CUL4A: variants seen among roughly 807,000 people sequenced by gnomAD.
CUL4A encodes cullin 4A.
In CUL4A, 16 loss-of-function variants were observed where a neutral mutation model predicts 95.5. The observed-to-expected ratio is 0.17, with a 90% CI of 0.11 to 0.25. The LOEUF is 0.25. Ranked by LOEUF, CUL4A falls within the 10% of genes least tolerant of loss-of-function variation. The pLI, the probability that CUL4A is intolerant of heterozygous loss-of-function variation, is 1.00. For synonymous variants in CUL4A, 380 were observed against 353.1 expected (o/e 1.08, Z -0.85); for missense variants, 610 against 937.0 (o/e 0.65, Z 4.56).
chr13:113,245,020 G>A lies in CUL4A; in HGVS notation c.1405G>A (p.Val469Ile). The change falls in exon 13 of 20, where the codon GTC (valine) becomes ATC (isoleucine). Residue 469 changes from valine (V) to isoleucine (I), a missense_variant. Physicochemically the swap from Val to Ile is conservative, Grantham distance 29 (BLOSUM62 3). Transcript: ENST00000375440. ...KRLLVGKSAS[V>I]DAEKSMLSKL... ...ACTCCTTGTTGGGAAAAGTGCCTCA[G>A]TCGATGCTGAAAAGTCTATGTTGTC... The A allele has an allele frequency of 1.2e-6, 2 of 1,614,198 alleles. No homozygotes were observed. Among genetic ancestry groups the A allele is most frequent in the East Asian group, 2.2e-5 (1 of 44,880 alleles).
At chr13:113,256,755 A>G (rs2042129534) in intron 18 of CUL4A, among the ~76,000 whole-genome samples, 1 of 152,158 alleles carries the variant, frequency 6.6e-6, no homozygotes. Context: ...ACACACCTGT[A>G]AGCACTTCAT....
rs2042362308 is a variant in CUL4A at position 113,264,362 on chromosome 13, A to G, written c.*780A>G. 6.6e-6 allele frequency: 1 copy of G among 151,428 alleles called. No individual in the cohort carries two copies. Among genetic ancestry groups the G allele is most frequent in the South Asian group, 2.1e-4 (1 of 4,814 alleles). 9.4% of individuals were successfully genotyped at this position (151,428 alleles called of 1,614,324 possible). On this transcript the variant is annotated 3_prime_UTR_variant, in exon 20 of 20. Transcript: ENST00000375440. ...TTTGCATTGGGGTAACTGCTCTTTG[A>G]TTTTTTTTAATTGCAGTATTTGTGT...
chr13:113,266,387 A>G lies in CUL4A; in HGVS notation c.*2805A>G, dbSNP rs957592478. On this transcript the variant is annotated 3_prime_UTR_variant, in exon 20 of 20. Transcript: ENST00000375440. ...CCTAGTAACAAATAGGGAAACACCT[A>G]TGTGAAAGGTATTATAACATTACTA... is the stretch of plus-strand genomic sequence containing the variant. The G allele has an allele frequency of 6.6e-6, 1 of 152,250 alleles. No individual in the cohort carries two copies. Among genetic ancestry groups the G allele is most frequent in the African/African-American group, 2.4e-5 (1 of 41,476 alleles). 9.4% of individuals were successfully genotyped at this position (152,250 alleles called of 1,614,324 possible). A position where few individuals can be genotyped will look rare whatever the true frequency, so the allele number is the denominator to read the frequency against.
Position 113,245,939 on chromosome 13 carries a change from G to A in CUL4A, c.1531-17G>A, listed in dbSNP as rs1412542035. ...ATTACTTTCTCAAAATGATTGTCTT[G>A]GATTTCTCTGTTTTAGCATATGCAG... On this transcript the variant is annotated splice_polypyrimidine_tract_variant and intron_variant, in intron 14 of 19. Coordinates refer to ENST00000375440, the MANE Select transcript of CUL4A (RefSeq NM_001008895.4). The A allele has an allele frequency of 6.5e-7, 1 of 1,547,228 alleles. No individual in the cohort carries two copies. Among genetic ancestry groups the A allele is most frequent in the Non-Finnish European group, 8.9e-7 (1 of 1,126,620 alleles).
intron 2 of CUL4A, among the ~76,000 whole-genome samples, chr13:113,210,775 A>G (rs1230426191): frequency 6.9e-6 from 1 of 144,060 alleles, no homozygotes. Context: ...AATTATTTCT[A>G]TTAAAAGGCT....
chr13:113,245,904 A>G (rs2041844766), intron 14 of CUL4A, 52 bp from the exon 15 acceptor site: 4 of 1,306,704 alleles, frequency 3.1e-6, no homozygotes, highest in Admixed American at 2.0e-5. Context: ...TTTTAGGTTA[A>G]TTATGTTTTA....
At position 113,253,131 on chromosome 13, in the gene CUL4A, G is replaced by C; in HGVS notation, c.1688G>C (p.Ser563Thr). 1 of 1,608,252 alleles carries C rather than the reference G, an allele frequency of 6.2e-7. No homozygotes were observed. Among genetic ancestry groups the C allele is most frequent in the Non-Finnish European group, 8.5e-7 (1 of 1,176,730 alleles). The change falls in exon 16 of 20, where the codon AGT becomes ACT. Residue 563 changes from serine to threonine, a missense_variant. Coordinates refer to ENST00000375440, the MANE Select transcript of CUL4A (RefSeq NM_001008895.4). The part of the protein sequence containing the change: ...VFKAFYLGKH[S>T]GRKLQWQTTL... ...AAGGCATTTTATCTTGGAAAGCACAGTGGTCGAAAACTTCAGTGGCAAACT... is the reference window on the plus strand; with the variant it reads ...AAGGCATTTTATCTTGGAAAGCACACTGGTCGAAAACTTCAGTGGCAAACT...
At chr13:113,257,393 G>T (rs2042156974) in intron 18 of CUL4A, among the ~76,000 whole-genome samples, 1 of 152,148 alleles carries the variant, frequency 6.6e-6, no homozygotes, top group Non-Finnish European at 1.5e-5. Context: ...CCTGAAACTG[G>T]GTAATTTATA....
intron 3 of CUL4A, among the ~76,000 whole-genome samples, chr13:113,226,616 A>T (rs933635842): frequency 6.6e-6 from 1 of 152,226 alleles, no homozygotes; most frequent in African/African-American, 2.4e-5. Flanking sequence ...TTTCCTAAAA[A>T]TACACATTCT....
In CUL4A at chr13:113,235,143, A is replaced by G; in HGVS notation, c.846A>G (p.Thr282=). 5 of 1,607,504 alleles carry G rather than the reference A, an allele frequency of 3.1e-6. No individual in the cohort carries two copies. The highest frequency in any genetic ancestry group is 1.1e-5 in the South Asian group (1 of 90,684). The change falls in exon 8 of 20, where the codon ACA becomes ACG. Residue 282 remains threonine, a splice_region_variant and synonymous_variant. Transcript: ENST00000375440. ...DRVITYLDHS[T]QKPLIACVEK... ...TAATCACTTACTTGGACCACAGCACACAGTAAGTACCGTTTGCTCGCTGAG... is the reference window on the plus strand; with the variant it reads ...TAATCACTTACTTGGACCACAGCACGCAGTAAGTACCGTTTGCTCGCTGAG...
intron 5 of CUL4A, among the ~76,000 whole-genome samples, chr13:113,231,844 C>T (rs1351352599): frequency 6.6e-6 from 1 of 152,124 alleles, no homozygotes; most frequent in Non-Finnish European, 1.5e-5. Flanking sequence ...AGGAGAGGCC[C>T]ATGGTGATGT....
At chr13:113,227,671 T>C (rs532100050) in intron 3 of CUL4A, among the ~76,000 whole-genome samples, 7 of 152,312 alleles carry the variant, frequency 4.6e-5, no homozygotes, top group Admixed American at 3.3e-4. Context: ...TTTGGGAGGC[T>C]GAGGCCAGTG....
Position 113,236,828 on chromosome 13 carries a change from C to T in CUL4A, c.854C>T (p.Pro285Leu). 1 of 1,607,208 alleles carries T rather than the reference C, an allele frequency of 6.2e-7. No homozygotes were observed. The highest frequency in any genetic ancestry group is 8.5e-7 in the Non-Finnish European group (1 of 1,175,178). The change falls in exon 9 of 20, where the codon CCA (proline) becomes CTA (leucine). Residue 285 changes from proline to leucine, a missense_variant. Pro to Leu is a moderately conservative substitution (Grantham distance 98). This residue lies in a region of CUL4A where 153 missense variants were observed against 244.5 expected (regional missense o/e 0.63). Transcript: ENST00000375440. ...ATTCTTTTTACCTTATATAGGAAAC[C>T]ACTGATTGCTTGTGTGGAGAAACAG... ...ITYLDHSTQK[P>L]LIACVEKQLL... is the part of the protein sequence containing the mutation.
chr13:113,217,013 G>A (rs776935420), intron 2 of CUL4A, among the ~76,000 whole-genome samples: 1 of 152,190 alleles, frequency 6.6e-6, no homozygotes, highest in Non-Finnish European at 1.5e-5. Context: ...GGACACATAG[G>A]AGGCAGAGTG....
At chr13:113,247,570 C>T (rs1263430797) in intron 15 of CUL4A, among the ~76,000 whole-genome samples, 1 of 152,192 alleles carries the variant, frequency 6.6e-6, no homozygotes, top group African/African-American at 2.4e-5. Flanking sequence ...TTTGAGTTTT[C>T]TCTGGCCTGC....
At position 113,245,326 on chromosome 13, in the gene CUL4A, C is replaced by G. The variant is rs544417516; in HGVS notation, c.1530+89C>G. The G allele has an allele frequency of 1.3e-5, 15 of 1,168,592 alleles. No individual in the cohort carries two copies. In the African/African-American group the frequency reaches 2.0e-4, roughly 15 times the overall value. 72.4% of individuals were successfully genotyped at this position (1,168,592 alleles called of 1,614,324 possible). A position where few individuals can be genotyped will look rare whatever the true frequency, so the allele number is the denominator to read the frequency against. On this transcript the variant is annotated intron_variant, in intron 14 of 19. Transcript: ENST00000375440. ...CCTGTAATCCCAGCACTTTGGGAGG[C>G]AGAGGCAAGAGACGTTCTTGAGGCC...
intron 18 of CUL4A, among the ~76,000 whole-genome samples, chr13:113,259,810 G>A (rs1368396922): frequency 6.6e-6 from 1 of 152,082 alleles, no homozygotes; most frequent in African/African-American, 2.4e-5. Flanking sequence ...TTAAGTTTTG[G>A]TTTTGGAGTT....
intron 3 of CUL4A, among the ~76,000 whole-genome samples, chr13:113,227,336 A>G (rs1342655209): frequency 6.6e-6 from 1 of 152,192 alleles, no homozygotes; most frequent in Non-Finnish European, 1.5e-5. Context: ...TTCCTGGTCC[A>G]TAGCCAGCAC....
intron 2 of CUL4A, among the ~76,000 whole-genome samples, chr13:113,212,535 C>T (rs1304876557): frequency 6.6e-6 from 1 of 152,210 alleles, no homozygotes; most frequent in African/African-American, 2.4e-5. Flanking sequence ...GTAATCCCAG[C>T]ACTTTGGGAG....
Sources: allele counts gnomAD v4.1 joint callset (sites outside exome capture counted in the v4.1 genomes callset), GRCh38; gene constraint gnomAD v4.1.1; regional missense constraint gnomAD v4.1.1; transcripts MANE v1.5; gene names NCBI Gene and HGNC (gene_info 2026-07-23, HGNC 2026-07-21).